ERC1: variants seen among roughly 807,000 people sequenced by gnomAD.
ERC1 encodes ELKS/RAB6-interacting/CAST family member 1.
ERC1 carries 56 observed loss-of-function variants against 132.0 expected under a neutral mutation model. The ratio of observed to expected loss-of-function variants is 0.42; its 90% confidence interval spans 0.34 to 0.53. The LOEUF is 0.53. Among genes scored for constraint, ERC1 ranks in the 20% least tolerant of loss-of-function variants. The pLI is 0.03. For synonymous variants in ERC1, 478 were observed against 476.1 expected (o/e 1.00, Z -0.05); for missense variants, 1,202 against 1,349.9 (o/e 0.89, Z 1.72).
chr12:1,439,385 A>G (rs2093039472), intron 17 of ERC1, among the ~76,000 whole-genome samples: 1 of 152,244 alleles, frequency 6.6e-6, no homozygotes, highest in African/African-American at 2.4e-5. Context: ...TTGGAAGATT[A>G]CTGGTCTTGT....
intron 12 of ERC1, chr12:1,204,604 AG>A (rs1957194644): frequency 1.7e-6 from 2 of 1,143,660 alleles, no homozygotes; most frequent in Admixed American, 4.0e-5. Flanking sequence ...AACATATTTC[AG>A]GAGAGGGATA....
chr12:1,169,037 T>A (rs1195796539), intron 8 of ERC1, among the ~76,000 whole-genome samples: 1 of 152,172 alleles, frequency 6.6e-6, no homozygotes, highest in Non-Finnish European at 1.5e-5. Context: ...ACACTCACCA[T>A]CTATGGAACA....
intron 7 of ERC1, among the ~76,000 whole-genome samples, chr12:1,119,713 G>C (rs1296973170): frequency 6.6e-6 from 1 of 152,050 alleles, no homozygotes; most frequent in Non-Finnish European, 1.5e-5. Flanking sequence ...ACCACACCTG[G>C]CTAATTCTGT....
intron 2 of ERC1, among the ~76,000 whole-genome samples, chr12:1,054,793 AT>A (rs1002848665): frequency 1.3e-5 from 2 of 152,088 alleles, no homozygotes; most frequent in African/African-American, 4.8e-5. Flanking sequence ...ACTTTGAGAG[AT>A]TTTTTTCAAA....
intron 7 of ERC1, among the ~76,000 whole-genome samples, chr12:1,124,470 T>TGC (rs1947922096): frequency 6.6e-6 from 1 of 152,046 alleles, no homozygotes; most frequent in East Asian, 1.9e-4. Flanking sequence ...ATATAAAAAT[T>TGC]TGTGGAACAT....
intron 1 of ERC1, among the ~76,000 whole-genome samples, chr12:1,007,078 G>A (rs1963772205): frequency 6.6e-6 from 1 of 152,058 alleles, no homozygotes; most frequent in Non-Finnish European, 1.5e-5. Flanking sequence ...TCCGCCCTCA[G>A]GATGCTGGTG....
At chr12:1,067,618 G>A (rs1939459084) in intron 2 of ERC1, among the ~76,000 whole-genome samples, 1 of 152,160 alleles carries the variant, frequency 6.6e-6, no homozygotes, top group Non-Finnish European at 1.5e-5. Flanking sequence ...CCTGTAGGAA[G>A]GGAGCCCTGG....
intron 7 of ERC1, among the ~76,000 whole-genome samples, chr12:1,134,114 T>C (rs1473531349): frequency 2.0e-5 from 3 of 152,178 alleles, no homozygotes; most frequent in Non-Finnish European, 2.9e-5. Flanking sequence ...GGAAATAGTT[T>C]CATTCTTTTG....
At chr12:1,234,635 A>T (rs2075292446) in intron 12 of ERC1, among the ~76,000 whole-genome samples, 1 of 152,222 alleles carries the variant, frequency 6.6e-6, no homozygotes, top group Non-Finnish European at 1.5e-5. Context: ...AAGCGCCAAG[A>T]ACAGCCAAGA....
intron 16 of ERC1, chr12:1,381,034 A>G (rs1311600722): frequency 6.6e-6 from 1 of 152,222 alleles, no homozygotes; most frequent in Non-Finnish European, 1.5e-5. Context: ...TGTTTTATAT[A>G]TGAATCTGTC....
intron 18 of ERC1, among the ~76,000 whole-genome samples, chr12:1,468,460 A>G (rs1306730276): frequency 1.3e-5 from 2 of 152,098 alleles, no homozygotes; most frequent in Non-Finnish European, 2.9e-5. Flanking sequence ...AAATTAGCCC[A>G]GCATTGTGTT....
chr12:1,477,468 A>C (rs759815302), intron 18 of ERC1, among the ~76,000 whole-genome samples: 34 of 152,104 alleles, frequency 2.2e-4, no homozygotes, highest in Non-Finnish European at 3.5e-4. Flanking sequence ...AAGAAGAACA[A>C]CACCAGGACA....
chr12:1,488,446 G>C (rs2094273814), intron 18 of ERC1, among the ~76,000 whole-genome samples: 1 of 152,180 alleles, frequency 6.6e-6, no homozygotes, highest in Non-Finnish European at 1.5e-5. Flanking sequence ...AAGCACTTTG[G>C]GAGGCCGAGG....
intron 2 of ERC1, among the ~76,000 whole-genome samples, chr12:1,033,693 G>A (rs969290988): frequency 4.0e-5 from 6 of 150,914 alleles, no homozygotes; most frequent in Non-Finnish European, 5.9e-5. Context: ...GCAGTGACAC[G>A]ATCTCAGCTC....
At chr12:1,102,156 A>G (rs559043174) in intron 3 of ERC1, among the ~76,000 whole-genome samples, 9 of 152,136 alleles carry the variant, frequency 5.9e-5, no homozygotes, top group African/African-American at 2.2e-4. Context: ...GGTACCAGCT[A>G]GAGTTTGCAA....
intron 15 of ERC1, among the ~76,000 whole-genome samples, chr12:1,326,464 G>T (rs1270065962): frequency 6.6e-6 from 1 of 152,130 alleles, no homozygotes; most frequent in Non-Finnish European, 1.5e-5. Flanking sequence ...TGTCAAAAAA[G>T]GATGCAAACT....
intron 8 of ERC1, 44 bp downstream of exon 8, chr12:1,141,831 A>C (rs773756839): frequency 7.2e-7 from 1 of 1,396,554 alleles, no homozygotes; most frequent in Non-Finnish European, 9.6e-7. Flanking sequence ...TTCCTCATAC[A>C]TCTTCACTCC....
chr12:1,333,661 C>T (rs2083073214), intron 15 of ERC1, among the ~76,000 whole-genome samples: 1 of 152,258 alleles, frequency 6.6e-6, no homozygotes, highest in African/African-American at 2.4e-5. Flanking sequence ...CATTGATGAG[C>T]ATGTAGGTTG....
chr12:1,127,981 A>G (rs1439068282), intron 7 of ERC1, among the ~76,000 whole-genome samples: 1 of 152,242 alleles, frequency 6.6e-6, no homozygotes, highest in Non-Finnish European at 1.5e-5. Flanking sequence ...ATTAATGGCA[A>G]TATGAGAGAC....
Sources: allele counts gnomAD v4.1 joint callset (sites outside exome capture counted in the v4.1 genomes callset), GRCh38; gene constraint gnomAD v4.1.1; transcripts MANE v1.5; gene names NCBI Gene and HGNC (gene_info 2026-07-23, HGNC 2026-07-21).